Variants in MAP4K1 observed in about 807,000 individuals in gnomAD.
MAP4K1 encodes the protein mitogen-activated protein kinase kinase kinase kinase 1, also known as MAPK/ERK kinase kinase kinase 1.
A neutral mutation model predicts 122.8 loss-of-function variants in MAP4K1; 35 were observed. That is an observed-to-expected ratio of 0.29 (90% CI 0.22 to 0.38). The LOEUF (loss-of-function observed/expected upper bound fraction) is 0.38. MAP4K1 is among the 10% of genes least tolerant of loss of function. The probability of loss-of-function intolerance (pLI) is 1.00; values close to 1 mark genes in which losing one functional copy is unlikely to be tolerated. For missense variants in MAP4K1, 791 were observed against 1,072.6 expected (o/e 0.74, Z 3.67); for synonymous variants, 412 against 421.3 (o/e 0.98, Z 0.27).
In MAP4K1 at chr19:38,597,550, C is replaced by G. The variant is rs1974928711; in HGVS notation, c.1714G>C (p.Glu572Gln). ...TTTCCTGCTCTGGTCTCTTTCCGTT[C>G]CAGCAGGCCAAGGATGCTATGAGAA... ...LYSHSILGLL[E>Q]RKETRAGNPI... is the part of the protein sequence containing the mutation. The change falls in exon 23 of 31, where the codon GAA (glutamate) becomes CAA (glutamine). Residue 572 changes from glutamate (E) to glutamine (Q), a missense_variant. By Grantham distance (29) the Glu-to-Gln change is conservative. Transcript: ENST00000396857. This position sits in a 1 kb window ranked among gnomAD's most constrained non-coding sequence, Gnocchi z 4.6. The G allele has an allele frequency of 6.2e-7, 1 of 1,613,678 alleles. No homozygotes were observed. Among genetic ancestry groups the G allele is most frequent in the South Asian group, 1.1e-5 (1 of 91,052 alleles).
At chr19:38,600,183 G>C (rs758903724) in intron 20 of MAP4K1, 30 bp from the exon 21 acceptor site, 1 of 1,599,906 alleles carries the variant, frequency 6.3e-7, no homozygotes, top group Admixed American at 1.7e-5. Context: ...CGCTGGGACC[G>C]ACTTCATCCT....
intron 25 of MAP4K1, among the ~76,000 whole-genome samples, chr19:38,596,736 C>T (rs563821918): frequency 1.3e-5 from 2 of 152,180 alleles, no homozygotes; most frequent in Admixed American, 1.3e-4. Context: ...GATAGCAAAA[C>T]CTGCTTAGAC....
chr19:38,612,829 G>A, intron 8 of MAP4K1, 87 bp from the exon 9 acceptor site: 1 of 1,413,062 alleles, frequency 7.1e-7, no homozygotes, highest in Non-Finnish European at 9.8e-7. Context: ...GTTGAGGGGA[G>A]ACGCAGCACA....
At chr19:38,594,957 T>TTATCTATCTATCTATCTATC (rs4018120) in intron 29 of MAP4K1, among the ~76,000 whole-genome samples, 6 of 146,554 alleles carry the variant, frequency 4.1e-5, no homozygotes, top group African/African-American at 1.5e-4. Flanking sequence ...TAAATAAATT[T>TTATCTATCTATCTATCTATC]TATCTATCTA....
Position 38,606,210 on chromosome 19 carries a change from G to T in MAP4K1, c.1163C>A (p.Thr388Asn). ...DDDYDDVDIP[T>N]PAEDTPPPLP... ...TGGAGGAGGTGTGTCCTCTGCAGGG[G>T]TGGGGCTGAAACACAAAGATGGGTT... Residue 388 changes from threonine to asparagine, a missense_variant, in exon 17 of 31, where the codon ACC (threonine) becomes AAC (asparagine). Thr to Asn is a moderately conservative substitution (Grantham distance 65, BLOSUM62 0). This residue lies in a region of MAP4K1 where 303 missense variants were observed against 344.8 expected (regional missense o/e 0.88). Coordinates refer to ENST00000396857, the MANE Select transcript of MAP4K1 (RefSeq NM_001042600.3). The T allele has an allele frequency of 1.3e-6, 2 of 1,552,810 alleles. No individual in the cohort carries two copies. The highest frequency in any genetic ancestry group is 1.7e-6 in the Non-Finnish European group (2 of 1,152,394).
intron 30 of MAP4K1, among the ~76,000 whole-genome samples, chr19:38,591,990 A>G (rs1216495494): frequency 1.3e-5 from 2 of 150,760 alleles, no homozygotes; most frequent in Non-Finnish European, 2.9e-5. Context: ...AAAAAAATGC[A>G]GCCAGGTGTG....
Position 38,614,076 on chromosome 19 carries a change from T to C in MAP4K1, c.427A>G (p.Ile143Val), listed in dbSNP as rs1371255515. 6.2e-7 allele frequency: 1 copy of C among 1,602,284 alleles called. No individual in the cohort carries two copies. Among genetic ancestry groups the C allele is most frequent in the South Asian group, 1.1e-5 (1 of 90,656 alleles). The change falls in exon 7 of 31, where the codon ATC (isoleucine) becomes GTC (valine). Residue 143 changes from isoleucine to valine, a missense_variant. Around this residue, in one of 4 missense-constraint regions of MAP4K1, gnomAD observed 163 missense variants for 286.1 expected, o/e 0.57. Transcript: ENST00000396857. ...KIHRDIKGAN[I>V]LINDAGEVRL... Reference sequence around the variant, plus strand: ...ACCTCCCCAGCATCATTGATGAGGATGTTAGCTCCCTGGGAATGAGAGGGG... The same window carrying C: ...ACCTCCCCAGCATCATTGATGAGGACGTTAGCTCCCTGGGAATGAGAGGGG...
At chr19:38,614,212 C>T (rs1165895723) in intron 6 of MAP4K1, 33 bp downstream of exon 6, 2 of 1,610,362 alleles carry the variant, frequency 1.2e-6, no homozygotes, top group Non-Finnish European at 1.7e-6. Flanking sequence ...CTGGGCCCCA[C>T]CCCCCAACAG....
rs1235616988 is a variant in MAP4K1, at chr19:38,597,560, A to G, written c.1704T>C (p.Leu568=). 1.7e-5 allele frequency: 27 copies of G among 1,613,556 alleles called. No homozygotes were observed. The highest frequency in any genetic ancestry group is 2.3e-5 in the Non-Finnish European group (27 of 1,179,884). The stretch of plus-strand genomic sequence containing the variant: ...TGGTCTCTTTCCGTTCCAGCAGGCC[A>G]AGGATGCTATGAGAATACAGGTGGG... ...KTPHLYSHSI[L]GLLERKETRA... is the part of the protein sequence containing the mutation. Residue 568 remains leucine, a synonymous_variant, in exon 23 of 31, where the codon CTT becomes CTC. Coordinates refer to ENST00000396857, the MANE Select transcript of MAP4K1 (RefSeq NM_001042600.3). This position sits in a 1 kb window ranked among gnomAD's most constrained non-coding sequence, Gnocchi z 4.6.
chr19:38,606,293 G>A, intron 16 of MAP4K1, 78 bp from the exon 17 acceptor site: 1 of 699,618 alleles, frequency 1.4e-6, no homozygotes, highest in Non-Finnish European at 2.4e-6. Flanking sequence ...TTCTGGGCTG[G>A]AGGCCCGGGA....
At chr19:38,603,410 ATATACACG>A (rs137933058) in intron 19 of MAP4K1, among the ~76,000 whole-genome samples, 8,631 of 149,204 alleles carry the variant, frequency 0.058, 621 homozygotes, top group East Asian at 0.26. Flanking sequence ...ATATACATAT[ATATACACG>A]TATACATATA....
At chr19:38,613,442 C>T (rs937268227) in intron 8 of MAP4K1, among the ~76,000 whole-genome samples, 2 of 151,390 alleles carry the variant, frequency 1.3e-5, no homozygotes, top group African/African-American at 4.9e-5. Flanking sequence ...GGAGGATCTC[C>T]TGAGCCCAGG....
chr19:38,605,178 C>T (rs1975287201), intron 19 of MAP4K1, among the ~76,000 whole-genome samples: 1 of 152,008 alleles, frequency 6.6e-6, no homozygotes, highest in East Asian at 1.9e-4. Flanking sequence ...CACTTACCCT[C>T]TCTGTGCTTC....
At chr19:38,596,615 TCAGGGGATA>T (rs759159318) in intron 25 of MAP4K1, 129 bp from the exon 26 acceptor site, 77 of 822,112 alleles carry the variant, frequency 9.4e-5, no homozygotes, top group Non-Finnish European at 1.3e-4. Flanking sequence ...TCTAGAAATG[TCAGGGGATA>T]AGGCCTGGTG....
At position 38,611,137 on chromosome 19, in the gene MAP4K1, GGAA is replaced by G; in HGVS notation, c.729-8_729-6del. 2.4e-5 allele frequency: 39 copies of G among 1,613,330 alleles called. No homozygotes were observed. Among genetic ancestry groups the G allele is most frequent in the Non-Finnish European group, 3.3e-5 (39 of 1,179,582 alleles). ...AAGTTGTGGAAGGCAGCCGACCTTG[GGAA>G]GAAGAAGCCAGGTTCTGGATGAGGG... On this transcript the variant is annotated splice_region_variant and splice_polypyrimidine_tract_variant and intron_variant, in intron 10 of 30. Transcript: ENST00000396857.
At chr19:38,600,323 G>A (rs1040226448) in intron 20 of MAP4K1, among the ~76,000 whole-genome samples, 170 bp from the exon 21 acceptor site, 59 of 152,082 alleles carry the variant, frequency 3.9e-4, no homozygotes, top group Non-Finnish European at 1.3e-4. Flanking sequence ...AGAGCGGACG[G>A]TCCCGCAAGC....
intron 11 of MAP4K1, among the ~76,000 whole-genome samples, 194 bp from the exon 12 acceptor site, chr19:38,610,219 GTTTT>G (rs1858720850): frequency 6.6e-6 from 1 of 151,838 alleles, no homozygotes; most frequent in African/African-American, 2.4e-5. Flanking sequence ...TTGTTTGTTT[GTTTT>G]AAGACAGAGT....
chr19:38,589,814 G>A lies in MAP4K1; in HGVS notation c.2397-1997C>T, dbSNP rs75430398. Among the ~76,000 whole-genome samples, 42 of 152,300 alleles carry A rather than the reference G, an allele frequency of 2.8e-4. No homozygotes were observed. The East Asian group carries it at 7.1e-3, about 26-fold the overall frequency. ...GGAAGCCTACACAGGTGAATCTCTT[G>A]AGTCCAGGAGTTCCAGACCAGGCTA... On this transcript the variant is annotated intron_variant, in intron 30 of 30. Transcript: ENST00000396857.
chr19:38,589,331 C>A, intron 30 of MAP4K1: 3 of 252,806 alleles, frequency 1.2e-5, no homozygotes, highest in Non-Finnish European at 2.4e-5. Flanking sequence ...AAACAAAAAA[C>A]AATAAAACTA....
Sources: gnomAD v4.1 joint callset for allele counts (sites outside exome capture counted in the v4.1 genomes callset) on GRCh38, gnomAD v4.1.1 for gene constraint, gnomAD v4.1.1 regional missense constraint, Gnocchi (gnomAD v3.1) non-coding constraint, MANE v1.5 for transcripts, NCBI Gene and HGNC (gene_info 2026-07-23, HGNC 2026-07-21) for gene names.